CHN2: variants seen among roughly 807,000 people sequenced by gnomAD.
CHN2 encodes chimerin 2, also known as beta-chimaerin.
CHN2 carries 35 observed loss-of-function variants against 56.3 expected under a neutral mutation model. That is an observed-to-expected ratio of 0.62 (90% CI 0.47 to 0.82). The LOEUF (loss-of-function observed/expected upper bound fraction) is 0.82, where lower values mean the gene tolerates loss of function less well. CHN2 is among the 40% of genes least tolerant of loss of function. The pLI, the probability that CHN2 is intolerant of heterozygous loss-of-function variation, is 0.00. For synonymous variants in CHN2, 210 were observed against 212.8 expected (o/e 0.99, Z 0.12); for missense variants, 491 against 580.5 (o/e 0.85, Z 1.58).
At chr7:29,249,707 C>T (rs1430833977) in intron 1 of CHN2, among the ~76,000 whole-genome samples, 1 of 152,092 alleles carries the variant, frequency 6.6e-6, no homozygotes, top group Admixed American at 6.5e-5. Context: ...TTGCAGCTTC[C>T]AGGAAAGCAA....
chr7:29,493,387 G>A (rs1433560076), intron 7 of CHN2, among the ~76,000 whole-genome samples: 3 of 152,126 alleles, frequency 2.0e-5, no homozygotes, highest in Admixed American at 1.3e-4. Flanking sequence ...AGTGATGCAT[G>A]ACCATACTTT....
chr7:29,215,169 T>C (rs1211631143), intron 1 of CHN2, among the ~76,000 whole-genome samples: 1 of 152,190 alleles, frequency 6.6e-6, no homozygotes, highest in East Asian at 1.9e-4. Context: ...TCATTAACAA[T>C]TAAATATTTT....
At chr7:29,336,666 A>G (rs1278116530) in intron 1 of CHN2, among the ~76,000 whole-genome samples, 1 of 149,390 alleles carries the variant, frequency 6.7e-6, no homozygotes, top group East Asian at 2.0e-4. Context: ...AGTCTGAGGC[A>G]GAAGGATCTC....
At chr7:29,462,302 C>T (rs1785224938) in intron 6 of CHN2, among the ~76,000 whole-genome samples, 1 of 152,222 alleles carries the variant, frequency 6.6e-6, no homozygotes, top group Non-Finnish European at 1.5e-5. Flanking sequence ...GCTTTGGACA[C>T]TATTGCTGAA....
In CHN2 at chr7:29,408,910, C is replaced by A. The variant is rs77404944; in HGVS notation, c.576+8082C>A. Among the ~76,000 whole-genome samples the A allele has an allele frequency of 1.2e-4, 18 of 152,318 alleles. No homozygotes were observed. The East Asian group carries it at 3.5e-3, about 29-fold the overall frequency. ...CTCTAGGAAACAGCTAATTTAGAGACACGGCTCCCGAGAAAGTATTTTCTA... is the reference window on the plus strand; with the variant it reads ...CTCTAGGAAACAGCTAATTTAGAGAAACGGCTCCCGAGAAAGTATTTTCTA... On this transcript the variant is annotated intron_variant, in intron 6 of 12. Coordinates refer to ENST00000222792, the MANE Select transcript of CHN2 (RefSeq NM_004067.4).
At chr7:29,225,799 T>A (rs1248859058) in intron 1 of CHN2, among the ~76,000 whole-genome samples, 1 of 152,086 alleles carries the variant, frequency 6.6e-6, no homozygotes, top group Non-Finnish European at 1.5e-5. Context: ...TTGCCTCACG[T>A]TGAGGGGACA....
intron 1 of CHN2, among the ~76,000 whole-genome samples, chr7:29,264,674 C>T (rs1014286530): frequency 6.6e-6 from 1 of 151,916 alleles, no homozygotes; most frequent in Non-Finnish European, 1.5e-5. Context: ...ACAAACACTG[C>T]GGAAGGCGGC....
At chr7:29,281,882 T>C (rs1339924658) in intron 1 of CHN2, among the ~76,000 whole-genome samples, 2 of 152,178 alleles carry the variant, frequency 1.3e-5, no homozygotes, top group African/African-American at 2.4e-5. Context: ...ACACATCTCA[T>C]GTTGTGCCTG....
chr7:29,438,087 T>C (rs1194309886), intron 6 of CHN2, among the ~76,000 whole-genome samples: 1 of 152,212 alleles, frequency 6.6e-6, no homozygotes, highest in East Asian at 1.9e-4. Flanking sequence ...ATAATGGTGA[T>C]GTCTGTCATG....
Position 29,512,838 on chromosome 7 carries a change from C to G in CHN2, c.*103C>G. The G allele has an allele frequency of 7.6e-7, 1 of 1,308,100 alleles. No individual in the cohort carries two copies. The highest frequency in any genetic ancestry group is 1.0e-6 in the Non-Finnish European group (1 of 956,778). The allele number at this position is 1,308,100 out of a possible 1,614,324, so 81.0% of individuals were successfully genotyped here. On this transcript the variant is annotated 3_prime_UTR_variant, in exon 13 of 13. Coordinates refer to ENST00000222792, the MANE Select transcript of CHN2 (RefSeq NM_004067.4). ...ACTTGATTTGTTTTCCAAGCAAGTG[C>G]TAGAATTTCCTGGACTGCAGAGGAT...
chr7:29,479,804 T>G (rs1786939936), intron 6 of CHN2: 1 of 1,237,898 alleles, frequency 8.1e-7, no homozygotes, highest in Admixed American at 3.5e-5. Flanking sequence ...GGCCCCTGCC[T>G]CCCTGAATCC....
intron 3 of CHN2, among the ~76,000 whole-genome samples, chr7:29,392,157 A>G (rs1801418307): frequency 6.6e-6 from 1 of 152,218 alleles, no homozygotes; most frequent in African/African-American, 2.4e-5. Context: ...AGATTTTGCC[A>G]TTATATATCC....
At chr7:29,184,177 A>G in intron 2 of CHN2, among the ~76,000 whole-genome samples, 2 of 151,486 alleles carry the variant, frequency 1.3e-5, no homozygotes, top group Admixed American at 1.3e-4. Context: ...AGATAGATAG[A>G]TAGATAGATA....
At chr7:29,156,045 T>G in intron 2 of CHN2, among the ~76,000 whole-genome samples, 1 of 152,006 alleles carries the variant, frequency 6.6e-6, no homozygotes, top group Non-Finnish European at 1.5e-5. Flanking sequence ...ATCAAAAGAG[T>G]GCTGAGGGAT....
intron 6 of CHN2, among the ~76,000 whole-genome samples, chr7:29,409,856 C>G (rs541249990): frequency 6.6e-6 from 1 of 152,296 alleles, no homozygotes; most frequent in East Asian, 1.9e-4. Context: ...TTTGACATCT[C>G]CAGAGTGGTG....
chr7:29,386,307 G>T (rs1021904234), intron 3 of CHN2, among the ~76,000 whole-genome samples: 1 of 152,122 alleles, frequency 6.6e-6, no homozygotes, highest in East Asian at 1.9e-4. Flanking sequence ...GGATGAAATT[G>T]CCCCAGTATC....
intron 1 of CHN2, among the ~76,000 whole-genome samples, chr7:29,275,174 G>A (rs772563294): frequency 1.3e-4 from 20 of 152,164 alleles, no homozygotes; most frequent in Admixed American, 3.3e-4. Context: ...GGGCTGTTTT[G>A]AGAATGAAAA....
chr7:29,371,978 C>T (rs1005408725), intron 3 of CHN2, among the ~76,000 whole-genome samples: 2 of 152,086 alleles, frequency 1.3e-5, no homozygotes, highest in South Asian at 2.1e-4. Flanking sequence ...TTCCCTGCAG[C>T]TCACATATAC....
chr7:29,316,498 GC>G (rs1447377274), intron 1 of CHN2, among the ~76,000 whole-genome samples: 2 of 152,106 alleles, frequency 1.3e-5, no homozygotes, highest in Non-Finnish European at 2.9e-5. Context: ...ATTCACTGTA[GC>G]ACCTATTTTC....
Sources: allele counts gnomAD v4.1 joint callset (sites outside exome capture counted in the v4.1 genomes callset), GRCh38; gene constraint gnomAD v4.1.1; transcripts MANE v1.5; gene names NCBI Gene and HGNC (gene_info 2026-07-23, HGNC 2026-07-21).